ZFAND3: variants seen among roughly 807,000 people sequenced by gnomAD.
ZFAND3 encodes the protein AN1-type zinc finger protein 3.
A neutral mutation model predicts 29.6 loss-of-function variants in ZFAND3; 10 were observed. That is an observed-to-expected ratio of 0.34 (90% confidence interval 0.21 to 0.57). ZFAND3 has a LOEUF of 0.57. Among genes scored for constraint, ZFAND3 ranks in the 20% least tolerant of loss-of-function variants. ZFAND3 has a pLI of 0.86. For missense variants in ZFAND3, 230 were observed against 304.5 expected, an observed-to-expected ratio of 0.76 and a Z score of 1.82; for synonymous variants, 128 against 112.6, an observed-to-expected ratio of 1.14 and a Z score of -0.87.
chr6:37,945,537 G>A (rs1448113929), intron 2 of ZFAND3, among the ~76,000 whole-genome samples: 2 of 152,182 alleles, frequency 1.3e-5, no homozygotes, highest in East Asian at 1.9e-4. Context: ...ACCATGCCCA[G>A]CTAATTTTTG....
chr6:37,901,949 A>G (rs1381529747), intron 1 of ZFAND3, among the ~76,000 whole-genome samples: 1 of 152,214 alleles, frequency 6.6e-6, no homozygotes, highest in African/African-American at 2.4e-5. Context: ...CTGGTGCTGT[A>G]TATAAAACCA....
intron 2 of ZFAND3, among the ~76,000 whole-genome samples, chr6:38,061,213 T>C (rs962805899): frequency 2.0e-5 from 3 of 152,308 alleles, no homozygotes; most frequent in East Asian, 1.9e-4. Context: ...GTGTTTTCTG[T>C]TTACTCTGCT....
chr6:37,937,442 G>A (rs1018597141), intron 2 of ZFAND3, among the ~76,000 whole-genome samples: 1 of 151,982 alleles, frequency 6.6e-6, no homozygotes. Context: ...GGATCATGAG[G>A]TCAGGAGATC....
At chr6:38,134,030 A>C (rs569099397) in intron 5 of ZFAND3, among the ~76,000 whole-genome samples, 1 of 152,170 alleles carries the variant, frequency 6.6e-6, no homozygotes, top group South Asian at 2.1e-4. Context: ...TTTTTATTGA[A>C]TGGTAAAAAT....
chr6:37,919,941 T>TCTGGGA (rs1761340901), intron 1 of ZFAND3, among the ~76,000 whole-genome samples: 1 of 152,086 alleles, frequency 6.6e-6, no homozygotes, highest in South Asian at 2.1e-4. Context: ...GAGAGATGCC[T>TCTGGGA]CTGGGACTGG....
intron 4 of ZFAND3, among the ~76,000 whole-genome samples, chr6:38,111,285 T>C (rs776720723): frequency 1.4e-4 from 22 of 152,168 alleles, no homozygotes; most frequent in Non-Finnish European, 2.6e-4. Flanking sequence ...AGACTGAAAA[T>C]ATTTGGGAAA....
chr6:38,032,484 T>A (rs914739964), intron 2 of ZFAND3, among the ~76,000 whole-genome samples: 8 of 152,236 alleles, frequency 5.3e-5, no homozygotes, highest in Non-Finnish European at 1.0e-4. Flanking sequence ...GTGTCTTTAG[T>A]GTCAGAGCAG....
At chr6:38,034,411 A>G (rs1763619420) in intron 2 of ZFAND3, among the ~76,000 whole-genome samples, 1 of 152,184 alleles carries the variant, frequency 6.6e-6, no homozygotes, top group African/African-American at 2.4e-5. Flanking sequence ...GGGATGTATC[A>G]CCCTTTGATA....
At chr6:37,947,101 A>G (rs1761917282) in intron 2 of ZFAND3, among the ~76,000 whole-genome samples, 1 of 152,194 alleles carries the variant, frequency 6.6e-6, no homozygotes, top group Admixed American at 6.5e-5. Context: ...AATGATTAAA[A>G]TAGTGTTTAC....
chr6:37,904,640 C>A (rs1765377073), intron 1 of ZFAND3, among the ~76,000 whole-genome samples: 1 of 151,876 alleles, frequency 6.6e-6, no homozygotes, highest in African/African-American at 2.4e-5. Context: ...TATATAATGA[C>A]CTAGGGAAGG....
intron 1 of ZFAND3, among the ~76,000 whole-genome samples, chr6:37,878,057 G>T (rs1764826029): frequency 6.6e-6 from 1 of 152,214 alleles, no homozygotes; most frequent in Admixed American, 6.5e-5. Context: ...TAGTTGGAGA[G>T]AAGTAGGCAG....
chr6:37,857,590 C>G (rs1764408252), intron 1 of ZFAND3, among the ~76,000 whole-genome samples: 1 of 152,124 alleles, frequency 6.6e-6, no homozygotes, highest in Non-Finnish European at 1.5e-5. Context: ...ACAAACTAAA[C>G]ATATGGAGGG....
chr6:37,833,654 GT>G (rs1254638882), intron 1 of ZFAND3, among the ~76,000 whole-genome samples: 1 of 151,654 alleles, frequency 6.6e-6, no homozygotes, highest in Non-Finnish European at 1.5e-5. Flanking sequence ...GTGAAACCTC[GT>G]CTCTACTAAA....
At chr6:38,109,934 C>T (rs1227477962) in intron 4 of ZFAND3, among the ~76,000 whole-genome samples, 1 of 152,112 alleles carries the variant, frequency 6.6e-6, no homozygotes, top group Non-Finnish European at 1.5e-5. Context: ...GGACAAAGAC[C>T]TCAAAGCTCA....
At chr6:37,908,610 G>T (rs171831) in intron 1 of ZFAND3, among the ~76,000 whole-genome samples, 47,444 of 149,176 alleles carry the variant, frequency 0.32, 7,982 homozygotes, top group Non-Finnish European at 0.38. Context: ...ACACATGGAG[G>T]TTCCTGGAGA....
intron 1 of ZFAND3, among the ~76,000 whole-genome samples, chr6:37,843,215 G>A (rs1249050010): frequency 6.6e-6 from 1 of 152,056 alleles, no homozygotes; most frequent in Non-Finnish European, 1.5e-5. Flanking sequence ...GCTGAGTGTG[G>A]TAGCTCATGC....
At chr6:37,987,164 C>G (rs1762685448) in intron 2 of ZFAND3, among the ~76,000 whole-genome samples, 1 of 152,066 alleles carries the variant, frequency 6.6e-6, no homozygotes, top group Admixed American at 6.6e-5. Context: ...AAACTCAGAA[C>G]AAAGGAGTGG....
At chr6:38,119,302 T>C (rs562898569) in intron 5 of ZFAND3, among the ~76,000 whole-genome samples, 1 of 152,294 alleles carries the variant, frequency 6.6e-6, no homozygotes, top group African/African-American at 2.4e-5. Context: ...GTTGGAGAGA[T>C]GTTTAACTGC....
chr6:37,856,140 A>G (rs955664047), intron 1 of ZFAND3, among the ~76,000 whole-genome samples: 5 of 151,976 alleles, frequency 3.3e-5, no homozygotes, highest in African/African-American at 9.7e-5. Context: ...GACAACAAGC[A>G]CAAGCCACCA....
Sources: gnomAD v4.1 joint callset for allele counts (sites outside exome capture counted in the v4.1 genomes callset) on GRCh38, gnomAD v4.1.1 for gene constraint, MANE v1.5 for transcripts, NCBI Gene and HGNC (gene_info 2026-07-23, HGNC 2026-07-21) for gene names.